Variants in DPYD observed in about 807,000 individuals in gnomAD.
The protein encoded by DPYD is dihydropyrimidine dehydrogenase.
A neutral mutation model predicts 116.2 loss-of-function variants in DPYD; 109 were observed. The observed-to-expected ratio is 0.94, with a 90% CI of 0.80 to 1.10. DPYD has a LOEUF of 1.10. DPYD is among the 50% of genes least tolerant of loss of function. DPYD has a pLI of 0.00. For missense variants in DPYD, 1,302 were observed against 1,254.5 expected (o/e 1.04, Z -0.57); for synonymous variants, 440 against 432.0 (o/e 1.02, Z -0.23).
intron 18 of DPYD, among the ~76,000 whole-genome samples, chr1:97,295,303 T>G (rs2101001389): frequency 6.6e-6 from 1 of 152,310 alleles, no homozygotes; most frequent in South Asian, 2.1e-4. Flanking sequence ...TATGCATTGC[T>G]TGAATAGCCA....
At chr1:97,717,285 C>T (rs879627824) in intron 5 of DPYD, among the ~76,000 whole-genome samples, 35 of 151,932 alleles carry the variant, frequency 2.3e-4, no homozygotes, top group South Asian at 2.1e-4. Context: ...AGTTTAGAAA[C>T]CTGCTGAGAG....
intron 4 of DPYD, among the ~76,000 whole-genome samples, chr1:97,729,564 T>G (rs1663470059): frequency 6.6e-6 from 1 of 152,056 alleles, no homozygotes; most frequent in Non-Finnish European, 1.5e-5. Flanking sequence ...TATTCCATGT[T>G]AGGAAGTAGA....
At chr1:97,572,842 T>A (rs1652991921) in intron 11 of DPYD, among the ~76,000 whole-genome samples, 2 of 152,024 alleles carry the variant, frequency 1.3e-5, no homozygotes, top group African/African-American at 4.8e-5. Flanking sequence ...TACTTATCTG[T>A]GGCATAAAAA....
chr1:97,269,659 T>C (rs931573040), intron 18 of DPYD, among the ~76,000 whole-genome samples: 8 of 152,156 alleles, frequency 5.3e-5, no homozygotes, highest in African/African-American at 1.7e-4. Flanking sequence ...AGCTTGGAGA[T>C]GGCTGCTTTC....
intron 1 of DPYD, among the ~76,000 whole-genome samples, chr1:97,897,664 T>C (rs1007344634): frequency 2.6e-5 from 4 of 151,910 alleles, no homozygotes; most frequent in Non-Finnish European, 5.9e-5. Context: ...TCCAGTGTGT[T>C]TTTCATCTCC....
intron 2 of DPYD, among the ~76,000 whole-genome samples, chr1:97,876,084 A>G (rs1405608881): frequency 1.3e-5 from 2 of 152,024 alleles, no homozygotes; most frequent in Admixed American, 1.3e-4. Flanking sequence ...TAATATATTT[A>G]GTAATATATT....
chr1:97,721,790 GA>G (rs1662941237), intron 4 of DPYD, 119 bp from the exon 5 acceptor site: 1 of 957,084 alleles, frequency 1.0e-6, no homozygotes, highest in African/African-American at 1.6e-5. Flanking sequence ...ATGTGTATAA[GA>G]TGCATAGGTT....
chr1:97,699,531 C>T lies in DPYD; in HGVS notation c.500G>A (p.Ser167Asn), dbSNP rs775526810. 1 of 1,613,526 alleles carries T rather than the reference C, an allele frequency of 6.2e-7. No individual in the cohort carries two copies. Among genetic ancestry groups the T allele is most frequent in the South Asian group, 1.1e-5 (1 of 91,064 alleles). ...CGAAGGATTTCTGATCTGTGGGATA[C>T]TCATTGCTTTGAATACCTACGGGGA... ...QFATEVFKAM[S>N]IPQIRNPSLP... is the part of the protein sequence containing the mutation. Residue 167 changes from serine (S) to asparagine (N), a missense_variant, in exon 6 of 23, where the codon AGT becomes AAT. Ser to Asn is a conservative substitution (Grantham distance 46). Transcript: ENST00000370192.
chr1:97,794,997 T>G (rs1053778475), intron 3 of DPYD, among the ~76,000 whole-genome samples: 1 of 152,128 alleles, frequency 6.6e-6, no homozygotes, highest in African/African-American at 2.4e-5. Context: ...AGTATCTTTT[T>G]GTAGATCACA....
chr1:97,365,160 C>T (rs1348356301), intron 16 of DPYD, among the ~76,000 whole-genome samples: 1 of 152,156 alleles, frequency 6.6e-6, no homozygotes, highest in Non-Finnish European at 1.5e-5. Context: ...TGCTTTTTAG[C>T]CTGAAATGCA....
intron 3 of DPYD, among the ~76,000 whole-genome samples, chr1:97,786,123 G>T (rs1183661444): frequency 6.7e-6 from 1 of 149,058 alleles, no homozygotes; most frequent in African/African-American, 2.5e-5. Context: ...CCCAAAATAC[G>T]CAATTTAAGA....
chr1:97,652,020 A>AT (rs143188109), intron 8 of DPYD, among the ~76,000 whole-genome samples: 15 of 151,364 alleles, frequency 9.9e-5, no homozygotes, highest in South Asian at 2.1e-4. Flanking sequence ...AATCTTTCTC[A>AT]TTTTTTTTTA....
chr1:97,161,554 CT>C (rs1655896966), intron 20 of DPYD, among the ~76,000 whole-genome samples: 1 of 151,794 alleles, frequency 6.6e-6, no homozygotes, highest in East Asian at 1.9e-4. Context: ...AACATGAAGT[CT>C]TTTTTAAATT....
chr1:97,132,293 A>T (rs1653400621), intron 20 of DPYD, among the ~76,000 whole-genome samples: 1 of 152,098 alleles, frequency 6.6e-6, no homozygotes, highest in Admixed American at 6.6e-5. Context: ...AATTTTATAT[A>T]CTAAGAATTT....
intron 6 of DPYD, among the ~76,000 whole-genome samples, chr1:97,693,559 A>G (rs1213357004): frequency 1.3e-5 from 2 of 152,158 alleles, no homozygotes; most frequent in African/African-American, 4.8e-5. Flanking sequence ...AAAGATTCTT[A>G]ACAACTATGG....
intron 8 of DPYD, among the ~76,000 whole-genome samples, chr1:97,621,317 G>A (rs1656619116): frequency 6.6e-6 from 1 of 152,032 alleles, no homozygotes; most frequent in East Asian, 1.9e-4. Flanking sequence ...TGGGAGTCAG[G>A]TGTTTTCACT....
At chr1:97,822,591 T>A (rs930332489) in intron 3 of DPYD, among the ~76,000 whole-genome samples, 2 of 151,900 alleles carry the variant, frequency 1.3e-5, no homozygotes, top group African/African-American at 2.4e-5. Context: ...GAAGGTAAAT[T>A]AATACAAAAA....
intron 16 of DPYD, among the ~76,000 whole-genome samples, chr1:97,326,263 G>C (rs951798833): frequency 2.0e-5 from 3 of 151,944 alleles, no homozygotes; most frequent in East Asian, 1.9e-4. Flanking sequence ...AGAGAAGCAG[G>C]TTTTGGCAAG....
At chr1:97,488,574 C>T (rs1678785304) in intron 13 of DPYD, among the ~76,000 whole-genome samples, 1 of 152,188 alleles carries the variant, frequency 6.6e-6, no homozygotes, top group African/African-American at 2.4e-5. Flanking sequence ...TCAGAAGAAT[C>T]ATGCCTATAA....
Sources: allele counts gnomAD v4.1 joint callset (sites outside exome capture counted in the v4.1 genomes callset), GRCh38; gene constraint gnomAD v4.1.1; transcripts MANE v1.5; gene names NCBI Gene and HGNC (gene_info 2026-07-23, HGNC 2026-07-21).